The following TP63 variants were observed in gnomAD, a reference collection of about 807,000 sequenced individuals.
TP63 encodes the protein tumor protein p63.
In TP63, 17 loss-of-function variants were observed where a neutral mutation model predicts 82.8. The ratio of observed to expected loss-of-function variants is 0.21; its 90% CI spans 0.14 to 0.31. TP63 has a LOEUF of 0.31. TP63 is among the 10% of genes least tolerant of loss of function. The probability of loss-of-function intolerance (pLI) is 1.00; values close to 1 mark genes in which losing one functional copy is unlikely to be tolerated. For missense variants in TP63, 648 were observed against 895.3 expected, an observed-to-expected ratio of 0.72 and a Z score of 3.52; for synonymous variants, 330 against 321.7, an observed-to-expected ratio of 1.03 and a Z score of -0.28.
chr3:189,727,431 A>T (rs1213882314), intron 1 of TP63, among the ~76,000 whole-genome samples: 1 of 152,218 alleles, frequency 6.6e-6, no homozygotes, highest in Admixed American at 6.5e-5. Context: ...TCTGACAAAG[A>T]GTGAGCAGCC....
intron 1 of TP63, among the ~76,000 whole-genome samples, chr3:189,676,739 C>A (rs1370620605): frequency 6.6e-6 from 1 of 151,994 alleles, no homozygotes; most frequent in Non-Finnish European, 1.5e-5. Flanking sequence ...CAGACTGGTA[C>A]CCATCTGTGG....
intron 1 of TP63, among the ~76,000 whole-genome samples, chr3:189,717,664 C>T (rs1452844186): frequency 6.6e-6 from 1 of 152,174 alleles, no homozygotes; most frequent in Admixed American, 6.5e-5. Flanking sequence ...AGTAATCATG[C>T]TTGTTCAGTC....
At chr3:189,600,968 C>T in the TP63 span, among the ~76,000 whole-genome samples, 2 of 152,212 alleles carry the variant, frequency 1.3e-5, no homozygotes, top group Non-Finnish European at 2.9e-5. Flanking sequence ...CTAATTGAAT[C>T]TCTAATCAGT....
In TP63 at chr3:189,646,030, T is replaced by G. The variant is rs1396625226; in HGVS notation, c.62+14453T>G. 2.0e-5 allele frequency among the ~76,000 whole-genome samples: 3 copies of G among 147,356 alleles called. 1 individual carries two copies. The highest frequency in any genetic ancestry group is 2.0e-4 in the Admixed American group (3 of 14,924). On this transcript the variant is annotated intron_variant, in intron 1 of 13. Coordinates refer to ENST00000264731, the MANE Select transcript of TP63 (RefSeq NM_003722.5). ...TAAGAATCTGTATTTTAACAAGAAC[T>G]CAAGGTGATTTGTGAACACATTCAA...
intron 13 of TP63, among the ~76,000 whole-genome samples, chr3:189,893,445 G>T (rs1360921396): frequency 6.6e-6 from 1 of 152,192 alleles, no homozygotes; most frequent in Non-Finnish European, 1.5e-5. Flanking sequence ...ACAATCTAAA[G>T]AAGAGCTAAC....
intron 3 of TP63, among the ~76,000 whole-genome samples, chr3:189,760,794 G>A (rs183991625): frequency 2.6e-5 from 4 of 152,204 alleles, no homozygotes; most frequent in Non-Finnish European, 5.9e-5. Context: ...TGAGGACCCT[G>A]CCTTGACAGT....
intron 1 of TP63, among the ~76,000 whole-genome samples, chr3:189,685,768 A>G (rs143627749): frequency 1.3e-5 from 2 of 152,362 alleles, no homozygotes; most frequent in Non-Finnish European, 2.9e-5. Context: ...CAATAACGCA[A>G]TTGTATCTTT....
intron 1 of TP63, among the ~76,000 whole-genome samples, chr3:189,706,490 G>C (rs1291292533): frequency 6.6e-6 from 1 of 152,090 alleles, no homozygotes; most frequent in Non-Finnish European, 1.5e-5. Context: ...ACCTGACCTT[G>C]TGGTCCGCTG....
intron 1 of TP63, among the ~76,000 whole-genome samples, chr3:189,692,339 C>A (rs1716999334): frequency 6.6e-6 from 1 of 151,564 alleles, no homozygotes; most frequent in Non-Finnish European, 1.5e-5. Context: ...TTCTCTATTT[C>A]TTTCTTCTTT....
At chr3:189,700,348 CACTT>C (rs1717707993) in intron 1 of TP63, among the ~76,000 whole-genome samples, 1 of 152,140 alleles carries the variant, frequency 6.6e-6, no homozygotes, top group Admixed American at 6.6e-5. Flanking sequence ...TTTCAACAAA[CACTT>C]ACTGAATGCC....
At chr3:189,689,330 A>T (rs1716730080) in intron 1 of TP63, among the ~76,000 whole-genome samples, 1 of 151,560 alleles carries the variant, frequency 6.6e-6, no homozygotes, top group Admixed American at 6.6e-5. Context: ...TGGTCAGGCT[A>T]GTCTCAAACT....
At chr3:189,685,228 G>GGGA (rs1324472855) in intron 1 of TP63, among the ~76,000 whole-genome samples, 4 of 152,136 alleles carry the variant, frequency 2.6e-5, no homozygotes, top group African/African-American at 9.7e-5. Flanking sequence ...AGATGGCATG[G>GGGA]GGAGGATGCT....
intron 1 of TP63, among the ~76,000 whole-genome samples, chr3:189,710,837 C>T (rs1370422237): frequency 6.6e-6 from 1 of 152,070 alleles, no homozygotes; most frequent in Non-Finnish European, 1.5e-5. Context: ...CAGCTGTGTG[C>T]TTCATTAAAT....
chr3:189,758,387 A>C (rs141042608), intron 3 of TP63, among the ~76,000 whole-genome samples: 24 of 152,330 alleles, frequency 1.6e-4, no homozygotes, highest in African/African-American at 5.5e-4. Flanking sequence ...GTCTCAAGTG[A>C]GCATGCATAC....
intron 3 of TP63, among the ~76,000 whole-genome samples, chr3:189,777,791 C>G (rs1723914699): frequency 7.1e-6 from 1 of 140,150 alleles, no homozygotes; most frequent in Non-Finnish European, 1.5e-5. Context: ...GTCTCCTATA[C>G]TAGATGAGGA....
chr3:189,629,059 C>T (rs978407343), upstream of TP63, among the ~76,000 whole-genome samples: 3 of 151,998 alleles, frequency 2.0e-5, no homozygotes, highest in Non-Finnish European at 4.4e-5. Flanking sequence ...TATTTAAATA[C>T]GTTAGGCTAT....
At chr3:189,680,369 AT>A (rs1240017930) in intron 1 of TP63, among the ~76,000 whole-genome samples, 2 of 152,120 alleles carry the variant, frequency 1.3e-5, no homozygotes, top group Non-Finnish European at 2.9e-5. Flanking sequence ...TAATTAAATA[AT>A]TAATGCCCAT....
At chr3:189,817,179 C>A (rs955348135) in intron 4 of TP63, among the ~76,000 whole-genome samples, 10 of 152,116 alleles carry the variant, frequency 6.6e-5, no homozygotes, top group African/African-American at 2.4e-4. Flanking sequence ...GCTTCATGTG[C>A]TGTTCAGCCA....
chr3:189,817,857 C>T (rs1156466747), intron 4 of TP63, among the ~76,000 whole-genome samples: 2 of 151,548 alleles, frequency 1.3e-5, no homozygotes, highest in Non-Finnish European at 2.9e-5. Context: ...TTTTGCAGAA[C>T]CAGTAAAAAG....
Sources: allele counts gnomAD v4.1 joint callset (sites outside exome capture counted in the v4.1 genomes callset), GRCh38; gene constraint gnomAD v4.1.1; transcripts MANE v1.5; gene names NCBI Gene and HGNC (gene_info 2026-07-23, HGNC 2026-07-21).